PEAK1: variants seen among roughly 807,000 people sequenced by gnomAD.
PEAK1 encodes pseudopodium enriched atypical kinase 1.
Under a neutral mutation model 124.7 loss-of-function variants are expected in PEAK1, and 54 were observed. The ratio of observed to expected loss-of-function variants is 0.43; its 90% CI spans 0.35 to 0.54. The LOEUF (loss-of-function observed/expected upper bound fraction) is 0.54. Ranked by LOEUF, PEAK1 falls within the 20% of genes least tolerant of loss-of-function variation. The pLI is 0.01. For missense variants in PEAK1, 2,046 were observed against 2,134.5 expected (o/e 0.96, Z 0.82); for synonymous variants, 719 against 760.0 (o/e 0.95, Z 0.89).
At chr15:77,317,579 C>T (rs909279948) in intron 2 of PEAK1, among the ~76,000 whole-genome samples, 6 of 152,160 alleles carry the variant, frequency 3.9e-5, no homozygotes, top group African/African-American at 1.2e-4. Flanking sequence ...TGAGTTGAAT[C>T]ATGAGCATGT....
intron 2 of PEAK1, among the ~76,000 whole-genome samples, chr15:77,297,377 C>T (rs766137161): frequency 1.8e-4 from 27 of 151,714 alleles, no homozygotes; most frequent in Non-Finnish European, 2.5e-4. Context: ...GCAAAGTATA[C>T]GCTATTAACA....
At chr15:77,394,124 G>A (rs1332158704) in intron 1 of PEAK1, among the ~76,000 whole-genome samples, 1 of 152,174 alleles carries the variant, frequency 6.6e-6, no homozygotes, top group Non-Finnish European at 1.5e-5. Flanking sequence ...TAGAGCATCA[G>A]CTAGATTCCT....
At chr15:77,312,585 G>T (rs2064544414) in intron 2 of PEAK1, among the ~76,000 whole-genome samples, 1 of 152,200 alleles carries the variant, frequency 6.6e-6, no homozygotes. Flanking sequence ...AGCAGTCTGG[G>T]GCTGGGCAGA....
intron 2 of PEAK1, among the ~76,000 whole-genome samples, chr15:77,344,700 G>A (rs981424575): frequency 2.6e-5 from 4 of 152,202 alleles, no homozygotes; most frequent in East Asian, 3.8e-4. Flanking sequence ...AACATGGGCT[G>A]TTTCCATTTA....
chr15:77,122,574 G>A (rs1308522755), intron 9 of PEAK1, among the ~76,000 whole-genome samples: 1 of 152,040 alleles, frequency 6.6e-6, no homozygotes, highest in Non-Finnish European at 1.5e-5. Context: ...TTAAAGCCAT[G>A]CTCCCTTTTC....
Position 77,110,258 on chromosome 15 carries a change from A to C in PEAK1, c.*3898T>G, listed in dbSNP as rs1207695111. On this transcript the variant is annotated 3_prime_UTR_variant, in exon 10 of 10. Coordinates refer to ENST00000682557, the MANE Select transcript of PEAK1 (RefSeq NM_001385026.1). ...CAGGTGCCTGCCATCATGCCCGGCT[A>C]ATTTTTGTATTTTTAGTAGAGATGG... 1.3e-5 allele frequency: 2 copies of C among 152,020 alleles called. No homozygotes were observed. The highest frequency in any genetic ancestry group is 4.8e-5 in the African/African-American group (2 of 41,350). The allele number at this position is 152,020 out of a possible 1,614,324, so 9.4% of individuals were successfully genotyped here. A position where few individuals can be genotyped will look rare whatever the true frequency, so the allele number is the denominator to read the frequency against.
At chr15:77,240,893 C>T (rs944795598) in intron 6 of PEAK1, among the ~76,000 whole-genome samples, 5 of 152,110 alleles carry the variant, frequency 3.3e-5, no homozygotes, top group Admixed American at 1.3e-4. Flanking sequence ...AAATTAAAAT[C>T]TCAATTCTGA....
At chr15:77,334,900 A>G (rs1339805567) in intron 2 of PEAK1, 1 of 985,188 alleles carries the variant, frequency 1.0e-6, no homozygotes, top group Non-Finnish European at 1.2e-6. Flanking sequence ...CCTTTTTATT[A>G]CTGATATCCA....
chr15:77,390,380 A>T (rs1021741302), intron 1 of PEAK1, among the ~76,000 whole-genome samples: 3 of 152,238 alleles, frequency 2.0e-5, no homozygotes, highest in African/African-American at 7.2e-5. Flanking sequence ...TGCTTTGAGG[A>T]TAATTAGGGC....
chr15:77,222,787 T>C (rs2059447045), intron 6 of PEAK1, among the ~76,000 whole-genome samples: 3 of 152,020 alleles, frequency 2.0e-5, no homozygotes, highest in Admixed American at 2.0e-4. Flanking sequence ...CAGAGGCTAT[T>C]TTCTTTGCCA....
rs1472445693 is a variant in PEAK1 at position 77,114,171 on chromosome 15, A to T, written c.5226T>A (p.Ile1742=). The change falls in exon 10 of 10, where the codon ATT becomes ATA. Residue 1742 remains isoleucine, a synonymous_variant. Coordinates refer to ENST00000682557, the MANE Select transcript of PEAK1 (RefSeq NM_001385026.1). ...TTDSLSCIVK[I]LQHR is the part of the protein sequence containing the mutation. ...CAGGTACACATTAACGGTGCTGCAGAATTTTCACAATACAACTGAGGGAGT... is the reference window on the plus strand; with the variant it reads ...CAGGTACACATTAACGGTGCTGCAGTATTTTCACAATACAACTGAGGGAGT... 1.2e-6 allele frequency: 2 copies of T among 1,613,846 alleles called. No individual in the cohort carries two copies. The highest frequency in any genetic ancestry group is 2.7e-5 in the African/African-American group (2 of 74,934).
chr15:77,279,823 C>T (rs973075479), intron 5 of PEAK1, among the ~76,000 whole-genome samples: 1 of 152,122 alleles, frequency 6.6e-6, no homozygotes, highest in Non-Finnish European at 1.5e-5. Flanking sequence ...TTTAATAAAG[C>T]TGGATACAGT....
At chr15:77,227,342 A>G (rs1401947866) in intron 6 of PEAK1, among the ~76,000 whole-genome samples, 5 of 152,188 alleles carry the variant, frequency 3.3e-5, no homozygotes, top group African/African-American at 1.2e-4. Flanking sequence ...AGTATAAGTA[A>G]CACAGAGGCA....
intron 9 of PEAK1, 144 bp from the exon 10 acceptor site, chr15:77,115,463 G>A (rs2152711090): frequency 1.4e-6 from 1 of 718,416 alleles, no homozygotes; most frequent in African/African-American, 1.8e-5. Flanking sequence ...ATGTTAAGTG[G>A]CAATAATAAT....
intron 2 of PEAK1, among the ~76,000 whole-genome samples, chr15:77,302,442 G>A (rs1211865558): frequency 1.3e-5 from 2 of 152,072 alleles, no homozygotes; most frequent in Non-Finnish European, 2.9e-5. Context: ...CTACAACAGT[G>A]AAAAACGTGG....
chr15:77,121,070 T>C (rs2051874685), intron 9 of PEAK1, among the ~76,000 whole-genome samples: 1 of 152,180 alleles, frequency 6.6e-6, no homozygotes, highest in Non-Finnish European at 1.5e-5. Context: ...AAATTTTTGT[T>C]TTTTATAATT....
intron 2 of PEAK1, among the ~76,000 whole-genome samples, chr15:77,292,109 C>T (rs1183826465): frequency 6.6e-6 from 1 of 152,010 alleles, no homozygotes; most frequent in Non-Finnish European, 1.5e-5. Context: ...CATGCACACA[C>T]ACACAATGAT....
intron 9 of PEAK1, among the ~76,000 whole-genome samples, chr15:77,127,197 A>G (rs1170580883): frequency 6.6e-6 from 1 of 152,188 alleles, no homozygotes; most frequent in Non-Finnish European, 1.5e-5. Flanking sequence ...GAAGAAGGCT[A>G]TCTGTAAGCC....
chr15:77,414,183 C>A, intron 1 of PEAK1, among the ~76,000 whole-genome samples: 1 of 147,960 alleles, frequency 6.8e-6, no homozygotes, highest in Non-Finnish European at 1.5e-5. Flanking sequence ...TCCTTTCCTT[C>A]TGTCTTTCCT....
Sources: allele counts gnomAD v4.1 joint callset (sites outside exome capture counted in the v4.1 genomes callset), GRCh38; gene constraint gnomAD v4.1.1; transcripts MANE v1.5; gene names NCBI Gene and HGNC (gene_info 2026-07-23, HGNC 2026-07-21).